PIGF: variants seen among roughly 807,000 people sequenced by gnomAD.
PIGF encodes the protein phosphatidylinositol glycan anchor biosynthesis class F.
A neutral mutation model predicts 26.0 loss-of-function variants in PIGF; 23 were observed. That is an observed-to-expected ratio of 0.88 (90% CI 0.64 to 1.25). The LOEUF is 1.25. Among genes scored for constraint, PIGF ranks in the 50% most tolerant of loss-of-function variants. The pLI, the probability that PIGF is intolerant of heterozygous loss-of-function variation, is 0.00. For synonymous variants in PIGF, 93 were observed against 92.6 expected, an observed-to-expected ratio of 1.00 and a Z score of -0.03; for missense variants, 278 against 249.9, an observed-to-expected ratio of 1.11 and a Z score of -0.76.
intron 5 of PIGF, 147 bp from the exon 6 acceptor site, chr2:46,581,738 A>G (rs1186566625): frequency 2.6e-6 from 3 of 1,135,474 alleles, no homozygotes; most frequent in Admixed American, 6.1e-5. Flanking sequence ...TGCATTTATC[A>G]TGAACACTAA....
At chr2:46,594,121 G>A (rs1669807777) in intron 4 of PIGF, among the ~76,000 whole-genome samples, 2 of 152,280 alleles carry the variant, frequency 1.3e-5, no homozygotes, top group Admixed American at 6.5e-5. Context: ...ACAGAGATGT[G>A]TTCCAATGTT....
chr2:46,591,669 T>C (rs1572770216), intron 5 of PIGF: 1 of 1,013,276 alleles, frequency 9.9e-7, no homozygotes, highest in Non-Finnish European at 1.2e-6. Context: ...AAGTATATAA[T>C]GGCATACTAC....
chr2:46,612,348 G>GAAA lies in PIGF; in HGVS notation c.321-7_321-5dup, dbSNP rs747809849. ...TAAAAATGTTTCCAATGCCAACCTA[G>GAAA]AAAAAAAAAAAGATTACTTTTTAAA... On this transcript the variant is annotated splice_polypyrimidine_tract_variant and splice_region_variant and intron_variant, in intron 3 of 5. Transcript: ENST00000281382. The GAAA allele has an allele frequency of 1.1e-5, 9 of 833,606 alleles. No homozygotes were observed. The highest frequency in any genetic ancestry group is 4.3e-5 in the South Asian group (2 of 46,252). The allele number at this position is 833,606 out of a possible 1,614,324, so 51.6% of individuals were successfully genotyped here.
intron 5 of PIGF, among the ~76,000 whole-genome samples, chr2:46,587,299 C>T (rs1450713437): frequency 2.0e-5 from 3 of 152,092 alleles, no homozygotes; most frequent in Non-Finnish European, 1.5e-5. Flanking sequence ...AATCTCCCTC[C>T]AGCATTTTGC....
rs747815125 is a variant in PIGF at position 46,581,478 on chromosome 2, T to C, written c.660A>G (p.Ter220=). The part of the protein sequence containing the change: ...NRKQLTYKNN[*] ...AAAGAAATATCTCCCTTTGCTCCAG[T>C]TAATTGTTCTTGTATGTAAGTTGCT... The change falls in exon 6 of 6, where the codon TAA becomes TAG. Residue 220 remains the stop codon, a stop_retained_variant. Coordinates refer to ENST00000281382, the MANE Select transcript of PIGF (RefSeq NM_002643.4). The C allele has an allele frequency of 6.2e-7, 1 of 1,610,622 alleles. No individual in the cohort carries two copies. Among genetic ancestry groups the C allele is most frequent in the Non-Finnish European group, 8.5e-7 (1 of 1,179,062 alleles).
chr2:46,591,465 A>G, intron 5 of PIGF: 2 of 691,472 alleles, frequency 2.9e-6, no homozygotes, highest in Non-Finnish European at 1.8e-6. Flanking sequence ...GAAAAAAATT[A>G]TCTTCATGTT....
At chr2:46,586,731 A>G (rs1669583733) in intron 5 of PIGF, among the ~76,000 whole-genome samples, 1 of 152,202 alleles carries the variant, frequency 6.6e-6, no homozygotes, top group Non-Finnish European at 1.5e-5. Flanking sequence ...ATAAATAATC[A>G]TTTATATTCT....
At chr2:46,584,449 A>G (rs964183338) in intron 5 of PIGF, among the ~76,000 whole-genome samples, 2 of 152,170 alleles carry the variant, frequency 1.3e-5, no homozygotes, top group African/African-American at 4.8e-5. Context: ...ACTAAATTGT[A>G]TTTTAATCAT....
At chr2:46,613,851 T>C in intron 2 of PIGF, 66 bp from the exon 3 acceptor site, 1 of 1,345,366 alleles carries the variant, frequency 7.4e-7, no homozygotes, top group Non-Finnish European at 1.0e-6. Flanking sequence ...TTCTTCCATT[T>C]CATCTACAAA....
chr2:46,595,895 C>G (rs1669867598), intron 4 of PIGF, among the ~76,000 whole-genome samples: 1 of 152,044 alleles, frequency 6.6e-6, no homozygotes. Context: ...TCAATCAACG[C>G]AACTTTACGA....
At chr2:46,594,494 G>A (rs1347314467) in intron 4 of PIGF, among the ~76,000 whole-genome samples, 1 of 151,928 alleles carries the variant, frequency 6.6e-6, no homozygotes, top group Non-Finnish European at 1.5e-5. Flanking sequence ...AGGCCACGTG[G>A]AAGAACGAGA....
Position 46,580,952 on chromosome 2 carries a change from T to A in PIGF, c.*526A>T, listed in dbSNP as rs773346940. 1.3e-6 allele frequency: 2 copies of A among 1,534,264 alleles called. No homozygotes were observed. Among genetic ancestry groups the A allele is most frequent in the Non-Finnish European group, 1.7e-6 (2 of 1,147,360 alleles). On this transcript the variant is annotated 3_prime_UTR_variant, in exon 6 of 6. Coordinates refer to ENST00000281382, the MANE Select transcript of PIGF (RefSeq NM_002643.4). ...GATAGGAGCATGCTGCTATGTGGAATGTTCAGCTTTAACCCAGAAGGGATT... is the reference window on the plus strand; with the variant it reads ...GATAGGAGCATGCTGCTATGTGGAAAGTTCAGCTTTAACCCAGAAGGGATT...
chr2:46,588,990 C>A lies in PIGF; in HGVS notation c.546+3485G>T, dbSNP rs951505780. On this transcript the variant is annotated intron_variant, in intron 5 of 5. Coordinates refer to ENST00000281382, the MANE Select transcript of PIGF (RefSeq NM_002643.4). The surrounding 1 kb of genome is among the most constrained non-coding windows in gnomAD (Gnocchi z 4.1). ...GTCCAAATATTTATTTTGTCAGCAA[C>A]TATAAGCTTTCTCTAGAAGTTGAAA... Among the ~76,000 whole-genome samples, 5 of 152,176 alleles carry A rather than the reference C, an allele frequency of 3.3e-5. No homozygotes were observed. The highest frequency in any genetic ancestry group is 2.6e-4 in the Admixed American group (4 of 15,296).
chr2:46,582,517 G>GTGTT (rs1053480475), intron 5 of PIGF: 2 of 152,250 alleles, frequency 1.3e-5, no homozygotes, highest in African/African-American at 4.8e-5. Flanking sequence ...TCAGATAATG[G>GTGTT]TGTTAGACAA....
At position 46,592,533 on chromosome 2, in the gene PIGF, A is replaced by G. The variant is rs1219926291; in HGVS notation, c.488T>C (p.Phe163Ser). Residue 163 changes from phenylalanine to serine, a missense_variant, in exon 5 of 6, where the codon TTT becomes TCT. Physicochemically the swap from Phe to Ser is radical, Grantham distance 155. Transcript: ENST00000281382. Reference protein sequence around the residue: ...NSLQITTISSFVGAWLGALPI... With the variant: ...NSLQITTISSSVGAWLGALPI... ...AAGTGCTCCAAGCCATGCTCCTACA[A>G]AGCTAGAAATTGTAGTGATCTGGAG... is the stretch of plus-strand genomic sequence containing the variant. 2.5e-6 allele frequency: 4 copies of G among 1,610,560 alleles called. No individual in the cohort carries two copies. The South Asian group carries it at 3.3e-5, about 13-fold the overall frequency.
intron 4 of PIGF, among the ~76,000 whole-genome samples, chr2:46,602,106 A>G (rs1670078318): frequency 6.6e-6 from 1 of 151,964 alleles, no homozygotes; most frequent in African/African-American, 2.4e-5. Flanking sequence ...ATATTATTTA[A>G]TAAGTATACC....
chr2:46,583,825 C>T (rs1669481765), intron 5 of PIGF, among the ~76,000 whole-genome samples: 1 of 152,126 alleles, frequency 6.6e-6, no homozygotes. Flanking sequence ...AATACAAATA[C>T]ACTGCCTCAA....
chr2:46,607,505 T>C (rs1670261868), intron 4 of PIGF, among the ~76,000 whole-genome samples: 1 of 152,238 alleles, frequency 6.6e-6, no homozygotes, highest in Non-Finnish European at 1.5e-5. Context: ...TACTGTATCA[T>C]AGTCTATTAA....
chr2:46,593,582 A>C (rs1203104146), intron 4 of PIGF, among the ~76,000 whole-genome samples: 1 of 152,202 alleles, frequency 6.6e-6, no homozygotes, highest in African/African-American at 2.4e-5. Context: ...TGAGAGTGTA[A>C]AGGTGGAAAG....
Sources: allele counts gnomAD v4.1 joint callset (sites outside exome capture counted in the v4.1 genomes callset), GRCh38; gene constraint gnomAD v4.1.1; non-coding constraint Gnocchi (gnomAD v3.1); transcripts MANE v1.5; gene names NCBI Gene and HGNC (gene_info 2026-07-23, HGNC 2026-07-21).